GRAMD1B: variants seen among roughly 807,000 people sequenced by gnomAD.
GRAMD1B encodes protein Aster-B.
GRAMD1B carries 37 observed loss-of-function variants against 99.7 expected under a neutral mutation model. That is an observed-to-expected ratio of 0.37 (90% CI 0.29 to 0.49). The LOEUF (loss-of-function observed/expected upper bound fraction) is 0.49. GRAMD1B is among the 20% of genes least tolerant of loss of function. The pLI is 0.98. For missense variants in GRAMD1B, 888 were observed against 1,009.2 expected, an observed-to-expected ratio of 0.88 and a Z score of 1.63; for synonymous variants, 427 against 387.6, an observed-to-expected ratio of 1.10 and a Z score of -1.19.
intron 1 of GRAMD1B, among the ~76,000 whole-genome samples, chr11:123,471,725 T>C (rs921209467): frequency 6.6e-6 from 1 of 152,068 alleles, no homozygotes; most frequent in East Asian, 1.9e-4. Flanking sequence ...CATAAAGCAG[T>C]GGTGAAGAAG....
chr11:123,608,930 G>A, intron 12 of GRAMD1B, 128 bp downstream of exon 12: 3 of 689,400 alleles, frequency 4.4e-6, no homozygotes, highest in Non-Finnish European at 4.9e-6. Flanking sequence ...CCACCTCAGG[G>A]CCCAGACACC....
intron 14 of GRAMD1B, among the ~76,000 whole-genome samples, chr11:123,611,447 C>A (rs79151850): frequency 6.6e-6 from 1 of 151,944 alleles, no homozygotes; most frequent in African/African-American, 2.4e-5. Context: ...AAAAAGAGGG[C>A]CTGCATCTTT....
intron 1 of GRAMD1B, among the ~76,000 whole-genome samples, chr11:123,402,288 AT>A (rs1358898192): frequency 2.0e-5 from 3 of 152,146 alleles, no homozygotes; most frequent in Non-Finnish European, 4.4e-5. Flanking sequence ...AAGTGCTGGG[AT>A]TACAGGTACG....
intron 1 of GRAMD1B, chr11:123,458,632 C>G (rs1950265754): frequency 6.6e-6 from 1 of 151,750 alleles, no homozygotes; most frequent in Non-Finnish European, 1.5e-5. Flanking sequence ...ATGCAAATCC[C>G]TTTTTTGATT....
At position 123,594,739 on chromosome 11, in the gene GRAMD1B, C is replaced by T; in HGVS notation, c.774C>T (p.Tyr258=). ...CTACCTCCGCTCCTACCACAGATTA[C>T]TCATGTGCACTCCAAAGAGACATTC... ...LPDTERLIVD[Y]SCALQRDILL... The change falls in exon 6 of 20, where the codon TAC becomes TAT. Residue 258 remains tyrosine (Y), a synonymous_variant. Coordinates refer to ENST00000635736, the MANE Select transcript of GRAMD1B (RefSeq NM_001387025.1). The T allele has an allele frequency of 1.3e-6, 2 of 1,554,410 alleles. No individual in the cohort carries two copies. Among genetic ancestry groups the T allele is most frequent in the Non-Finnish European group, 1.8e-6 (2 of 1,125,466 alleles).
chr11:123,565,221 T>A (rs1378303820), intron 2 of GRAMD1B, among the ~76,000 whole-genome samples: 1 of 150,072 alleles, frequency 6.7e-6, no homozygotes, highest in Non-Finnish European at 1.5e-5. Context: ...TTTTTTTTTT[T>A]AGGGATGAGG....
intron 1 of GRAMD1B, among the ~76,000 whole-genome samples, chr11:123,389,177 G>A (rs975976068): frequency 6.6e-6 from 1 of 152,088 alleles, no homozygotes; most frequent in Non-Finnish European, 1.5e-5. Context: ...GAGGTCAGGG[G>A]ATTGAGACCA....
At chr11:123,451,636 G>T (rs1336330084) in intron 1 of GRAMD1B, among the ~76,000 whole-genome samples, 1 of 152,044 alleles carries the variant, frequency 6.6e-6, no homozygotes, top group African/African-American at 2.4e-5. Flanking sequence ...AGCTTTGACT[G>T]GATTTTACCT....
upstream of GRAMD1B, among the ~76,000 whole-genome samples, chr11:123,429,667 C>A (rs1948778803): frequency 1.3e-5 from 2 of 152,132 alleles, no homozygotes; most frequent in Non-Finnish European, 1.5e-5. This position sits in a 1 kb window ranked among gnomAD's most constrained non-coding sequence, Gnocchi z 4.0. Flanking sequence ...GCCCCATTTT[C>A]CTTACTGGTC....
chr11:123,478,103 T>G (rs1951393475), intron 1 of GRAMD1B, among the ~76,000 whole-genome samples: 1 of 152,146 alleles, frequency 6.6e-6, no homozygotes, highest in Admixed American at 6.5e-5. Flanking sequence ...CTTCTCTTTT[T>G]CTTTCTTTGT....
At chr11:123,515,129 G>A (rs182050387) in intron 2 of GRAMD1B, among the ~76,000 whole-genome samples, 255 of 152,320 alleles carry the variant, frequency 1.7e-3, no homozygotes, top group African/African-American at 5.9e-3. Context: ...GGAGATGGAG[G>A]AGTCTAGGGT....
rs144192232 is a variant in GRAMD1B at position 123,488,254 on chromosome 11, G to T, written c.452+7361G>T. ...TAGGATTTCAACATATACATTTGGG[G>T]GTGGGGCACCAACACTGAGTCTATA... On this transcript the variant is annotated intron_variant, in intron 2 of 19. Transcript: ENST00000635736. Among the ~76,000 whole-genome samples, 489 of 152,212 alleles carry T rather than the reference G, an allele frequency of 3.2e-3. 3 individuals are homozygous for T. Among genetic ancestry groups the T allele is most frequent in the African/African-American group, 0.011 (472 of 41,514 alleles).
At chr11:123,439,408 A>G (rs928786875) in intron 1 of GRAMD1B, among the ~76,000 whole-genome samples, 1 of 152,238 alleles carries the variant, frequency 6.6e-6, no homozygotes, top group Admixed American at 6.5e-5. Context: ...CTCTTCTGTT[A>G]TCAGACCACA....
chr11:123,486,276 C>T lies in GRAMD1B; in HGVS notation c.452+5383C>T, dbSNP rs550749505. 2.0e-5 allele frequency among the ~76,000 whole-genome samples: 3 copies of T among 152,200 alleles called. No homozygotes were observed. The South Asian group carries it at 6.2e-4, about 32-fold the overall frequency. The stretch of plus-strand genomic sequence containing the variant: ...ACAAAGCAGAGACAAAGCCGGGCAC[C>T]GTGGCTCACCCCTGCAATCCCAGCA... On this transcript the variant is annotated intron_variant, in intron 2 of 19. Coordinates refer to ENST00000635736, the MANE Select transcript of GRAMD1B (RefSeq NM_001387025.1).
chr11:123,559,637 C>G, intron 2 of GRAMD1B: 1 of 982,564 alleles, frequency 1.0e-6, no homozygotes, highest in Non-Finnish European at 1.2e-6. Context: ...AAAAACACTT[C>G]TAAGAGGTGC....
At chr11:123,541,915 G>T (rs1944577096) in intron 2 of GRAMD1B, among the ~76,000 whole-genome samples, 1 of 152,016 alleles carries the variant, frequency 6.6e-6, no homozygotes, top group African/African-American at 2.4e-5. Context: ...AAACCTAGAT[G>T]ACTAAATAAA....
intron 2 of GRAMD1B, among the ~76,000 whole-genome samples, chr11:123,540,240 G>GTT (rs529661991): frequency 0.059 from 8,528 of 144,028 alleles, 603 homozygotes; most frequent in African/African-American, 0.17. Flanking sequence ...TTTTTTGGTT[G>GTT]TTTTTTTTTT....
rs1026892353 is a variant in GRAMD1B at position 123,591,134 on chromosome 11, C to T, written c.685-2948C>T. On this transcript the variant is annotated intron_variant, in intron 4 of 19. Coordinates refer to ENST00000635736, the MANE Select transcript of GRAMD1B (RefSeq NM_001387025.1). This position sits in a 1 kb window ranked among gnomAD's most constrained non-coding sequence, Gnocchi z 4.7. ...GACCAGCCGAGAAGAAAGCAGAGCC[C>T]GCCATGGGAGACTGGCTGGCCAGCT... 9.7e-6 allele frequency: 3 copies of T among 308,852 alleles called. No individual in the cohort carries two copies. The highest frequency in any genetic ancestry group is 2.1e-5 in the African/African-American group (1 of 46,870). 19.1% of individuals were successfully genotyped at this position (308,852 alleles called of 1,614,324 possible). A position where few individuals can be genotyped will look rare whatever the true frequency, so the allele number is the denominator to read the frequency against.
intron 2 of GRAMD1B, among the ~76,000 whole-genome samples, chr11:123,534,405 C>T (rs533199256): frequency 6.6e-6 from 1 of 152,262 alleles, no homozygotes; most frequent in African/African-American, 2.4e-5. Flanking sequence ...TTTGGACTTG[C>T]ACAGTTCAAA....
Sources: gnomAD v4.1 joint callset for allele counts (sites outside exome capture counted in the v4.1 genomes callset) on GRCh38, gnomAD v4.1.1 for gene constraint, Gnocchi (gnomAD v3.1) non-coding constraint, MANE v1.5 for transcripts, NCBI Gene and HGNC (gene_info 2026-07-23, HGNC 2026-07-21) for gene names.